The following CDHR5 variants were observed in gnomAD, a reference collection of about 807,000 sequenced individuals.
The protein encoded by CDHR5 is cadherin-related family member 5.
A neutral mutation model predicts 69.5 loss-of-function variants in CDHR5; 82 were observed. The observed-to-expected ratio is 1.18, with a 90% CI of 0.99 to 1.42. The LOEUF (loss-of-function observed/expected upper bound fraction) is 1.42, where lower values mean the gene tolerates loss of function less well. Ranked by LOEUF, CDHR5 falls within the 40% of genes most tolerant of loss-of-function variation. The pLI is 0.00. For missense variants in CDHR5, 1,293 were observed against 1,168.9 expected (o/e 1.11, Z -1.55); for synonymous variants, 601 against 510.2 (o/e 1.18, Z -2.40).
At chr11:617,846 C>G in intron 14 of CDHR5, 76 bp from the exon 15 acceptor site, 1 of 1,483,806 alleles carries the variant, frequency 6.7e-7, no homozygotes, top group South Asian at 1.3e-5. Flanking sequence ...TCATTCCACG[C>G]TGGACACCCC....
In CDHR5 at chr11:617,194, CA is replaced by C; in HGVS notation, c.*156del. The C allele has an allele frequency of 1.6e-6, 1 of 627,338 alleles. No homozygotes were observed. Among genetic ancestry groups the C allele is most frequent in the Non-Finnish European group, 2.9e-6 (1 of 349,902 alleles). The allele number at this position is 627,338 out of a possible 1,614,324, so 38.9% of individuals were successfully genotyped here. A position where few individuals can be genotyped will look rare whatever the true frequency, so the allele number is the denominator to read the frequency against. ...ACCTGGGCTCAAGCGCTAATGACGA[CA>C]GGGGACTGAGTGAATGGGACCCCCA... On this transcript the variant is annotated 3_prime_UTR_variant, in exon 15 of 15. Transcript: ENST00000397542.
Position 621,332 on chromosome 11 carries a change from GTGACC to G in CDHR5, c.618+8_618+12del. 1.2e-6 allele frequency: 2 copies of G among 1,612,502 alleles called. No individual in the cohort carries two copies. The highest frequency in any genetic ancestry group is 1.7e-6 in the Non-Finnish European group (2 of 1,179,352). On this transcript the variant is annotated splice_region_variant and intron_variant, in intron 6 of 14. Transcript: ENST00000397542. The surrounding 1 kb of genome is among the most constrained non-coding windows in gnomAD (Gnocchi z 4.4). ...CAAGTGTGTGGGACTCGGGGCTGGG[GTGACC>G]TGCTCACCCGCACCAGCAGCCAGAA...
rs1368429383 is a variant in CDHR5 at position 617,329 on chromosome 11, G to A, written c.*22C>T. Reference sequence around the variant, plus strand: ...GAGACCTCCAGTGCCCGTGCGGCTGGGGGAGAGGGTGGAGGGGCCACTTAG... The same window carrying A: ...GAGACCTCCAGTGCCCGTGCGGCTGAGGGAGAGGGTGGAGGGGCCACTTAG... On this transcript the variant is annotated 3_prime_UTR_variant, in exon 15 of 15. Coordinates refer to ENST00000397542, the MANE Select transcript of CDHR5 (RefSeq NM_021924.5). 1.9e-6 allele frequency: 3 copies of A among 1,559,236 alleles called. No individual in the cohort carries two copies. The highest frequency in any genetic ancestry group is 2.6e-6 in the Non-Finnish European group (3 of 1,139,716).
In CDHR5 at chr11:624,218, T is replaced by A; in HGVS notation, c.307A>T (p.Thr103Ser). The change falls in exon 3 of 15, where the codon ACA (threonine) becomes TCA (serine). Residue 103 changes from threonine to serine, a missense_variant. Coordinates refer to ENST00000397542, the MANE Select transcript of CDHR5 (RefSeq NM_021924.5). This position sits in a 1 kb window ranked among gnomAD's most constrained non-coding sequence, Gnocchi z 5.3. ...AGAGCGGGGCGGGGACTCACCAATG[T>A]GCCTCCGCTCTGACACAGCAGCTGA... ...EAQLLCQSGG[T>S]LVTQLRVFVS... 1.3e-6 allele frequency: 1 copy of A among 765,776 alleles called. No homozygotes were observed. The highest frequency in any genetic ancestry group is 1.4e-5 in the South Asian group (1 of 72,386). 47.4% of individuals were successfully genotyped at this position (765,776 alleles called of 1,614,324 possible). A position where few individuals can be genotyped will look rare whatever the true frequency, so the allele number is the denominator to read the frequency against.
Position 617,348 on chromosome 11 carries a change from CACTTAGATG to C in CDHR5, c.2532_*2del. On this transcript the variant is annotated stop_lost and 3_prime_UTR_variant, in exon 15 of 15. Transcript: ENST00000397542. ...CGGCTGGGGGAGAGGGTGGAGGGGCCACTTAGATGTAGGAGTCATCACCACCGGGCGCAT... is the reference window on the plus strand; with the variant it reads ...CGGCTGGGGGAGAGGGTGGAGGGGCCTAGGAGTCATCACCACCGGGCGCAT... 1 of 1,588,488 alleles carries C rather than the reference CACTTAGATG, an allele frequency of 6.3e-7. No individual in the cohort carries two copies. Among genetic ancestry groups the C allele is most frequent in the Non-Finnish European group, 8.6e-7 (1 of 1,161,892 alleles).
rs774177515 is a variant in CDHR5 at position 624,713 on chromosome 11, G to A, written c.105C>T (p.Asp35=). 1 of 1,609,986 alleles carries A rather than the reference G, an allele frequency of 6.2e-7. No individual in the cohort carries two copies. Among genetic ancestry groups the A allele is most frequent in the South Asian group, 1.1e-5 (1 of 90,674 alleles). ...TTGTGTTCTCCTCTACTTCAAAGAT[G>A]TCCTTGTTCACAGAGCAGTCTGTAA... is the stretch of plus-strand genomic sequence containing the variant. ...AQAQYCSVNK[D]IFEVEENTNV... is the part of the protein sequence containing the mutation. Residue 35 remains aspartate, a synonymous_variant, in exon 2 of 15, where the codon GAC becomes GAT. Transcript: ENST00000397542. This position sits in a 1 kb window ranked among gnomAD's most constrained non-coding sequence, Gnocchi z 5.3.
Position 619,863 on chromosome 11 carries a change from C to G in CDHR5, c.997G>C (p.Ala333Pro). 6.4e-7 allele frequency: 1 copy of G among 1,550,428 alleles called. No homozygotes were observed. The highest frequency in any genetic ancestry group is 1.9e-5 in the Admixed American group (1 of 52,158). The change falls in exon 10 of 15, where the codon GCC (alanine) becomes CCC (proline). Residue 333 changes from alanine to proline, a missense_variant. Transcript: ENST00000397542. The stretch of plus-strand genomic sequence containing the variant: ...GTGACCTGGGTCACTGAGTAGCGGG[C>G]AAGGTCGGCCTGTTGGCCCTGGAGG... The part of the protein sequence containing the change: ...LLVKGQQADL[A>P]RYSVTQVTVE...
Position 619,666 on chromosome 11 carries a change from G to C in CDHR5, c.1179+15C>G. On this transcript the variant is annotated intron_variant, in intron 10 of 14. Coordinates refer to ENST00000397542, the MANE Select transcript of CDHR5 (RefSeq NM_021924.5). ...GACCCACCCACAGAGGGGAGGCCTT[G>C]GATGCACTCTCTACCGAGAACTCCG... is the stretch of plus-strand genomic sequence containing the variant. The C allele has an allele frequency of 1.1e-5, 18 of 1,612,610 alleles. No individual in the cohort carries two copies. Among genetic ancestry groups the C allele is most frequent in the Non-Finnish European group, 1.4e-5 (17 of 1,179,238 alleles).
chr11:620,846 C>T (rs1857329784), intron 7 of CDHR5, among the ~76,000 whole-genome samples: 1 of 152,166 alleles, frequency 6.6e-6, no homozygotes, highest in Non-Finnish European at 1.5e-5. Context: ...GCCCCTGAGA[C>T]CGCCTGGCTC....
At position 621,427 on chromosome 11, in the gene CDHR5, C is replaced by T. The variant is rs1448025425; in HGVS notation, c.536G>A (p.Ser179Asn). The change falls in exon 6 of 15, where the codon AGT becomes AAT. Residue 179 changes from serine to asparagine, a missense_variant. Coordinates refer to ENST00000397542, the MANE Select transcript of CDHR5 (RefSeq NM_021924.5). This position sits in a 1 kb window ranked among gnomAD's most constrained non-coding sequence, Gnocchi z 4.4. ...CAGCCTCAGGGCGGGACGGTTTACA[C>T]TCACCAGGGAGAAGTAGTCACTGGC... ...AGASDYFSLV[S>N]VNRPALRLDR... The T allele has an allele frequency of 1.2e-6, 2 of 1,612,750 alleles. No individual in the cohort carries two copies. Among genetic ancestry groups the T allele is most frequent in the Admixed American group, 1.7e-5 (1 of 60,002 alleles).
chr11:618,241 C>T (rs1857101488), intron 13 of CDHR5, 130 bp from the exon 14 acceptor site: 1 of 783,288 alleles, frequency 1.3e-6, no homozygotes, highest in Non-Finnish European at 2.0e-6. Flanking sequence ...AAATCTCAGG[C>T]TCTGCTGACC....
chr11:621,152 G>C lies in CDHR5; in HGVS notation c.717C>G (p.Pro239=), dbSNP rs1440920856. ...AGACGTAGCCATCTGAGAAGGTGCAGGGCAGGAACCACGGGGGCCGCAGGT... is the reference window on the plus strand; with the variant it reads ...AGACGTAGCCATCTGAGAAGGTGCACGGCAGGAACCACGGGGGCCGCAGGT... ...PADLRPPWFL[P]CTFSDGYVCI... is the part of the protein sequence containing the mutation. Residue 239 remains proline (P), a synonymous_variant, in exon 7 of 15, where the codon CCC becomes CCG. Coordinates refer to ENST00000397542, the MANE Select transcript of CDHR5 (RefSeq NM_021924.5). The surrounding 1 kb of genome is among the most constrained non-coding windows in gnomAD (Gnocchi z 4.4). The C allele has an allele frequency of 6.2e-7, 1 of 1,603,662 alleles. No homozygotes were observed. The highest frequency in any genetic ancestry group is 8.5e-7 in the Non-Finnish European group (1 of 1,174,516).
At position 621,251 on chromosome 11, in the gene CDHR5, C is replaced by T. The variant is rs1212992158; in HGVS notation, c.619-1G>A. On this transcript the variant is annotated splice_acceptor_variant, in intron 6 of 14. Transcript: ENST00000397542. LOFTEE classifies it high-confidence loss of function. The surrounding 1 kb of genome is among the most constrained non-coding windows in gnomAD (Gnocchi z 4.4). ...GTTCCACATTCTCCCCCGGAGTGTC[C>T]TGCAACAGACGGCTGTGCTGGATCA... The T allele has an allele frequency of 6.2e-7, 1 of 1,601,446 alleles. No homozygotes were observed. The highest frequency in any genetic ancestry group is 8.5e-7 in the Non-Finnish European group (1 of 1,172,212).
At position 623,003 on chromosome 11, in the gene CDHR5, T is replaced by C. The variant is rs140641186; in HGVS notation, c.313-1099A>G. The stretch of plus-strand genomic sequence containing the variant: ...TCTCCCATCTTTTTTCCTGGAGATT[T>C]ATTTGTGAAGAAACTGGATTGTCAG... On this transcript the variant is annotated intron_variant, in intron 3 of 14. Coordinates refer to ENST00000397542, the MANE Select transcript of CDHR5 (RefSeq NM_021924.5). 3.2e-3 allele frequency among the ~76,000 whole-genome samples: 492 copies of C among 152,094 alleles called. 2 individuals are homozygous for C. The highest frequency in any genetic ancestry group is 0.011 in the African/African-American group (458 of 41,498).
chr11:619,281 G>A (rs779663875), intron 12 of CDHR5, 25 bp downstream of exon 12: 7 of 1,556,596 alleles, frequency 4.5e-6, no homozygotes, highest in African/African-American at 4.1e-5. Flanking sequence ...GAACCCTGGG[G>A]GCTCACCTGT....
intron 3 of CDHR5, among the ~76,000 whole-genome samples, chr11:622,285 C>T (rs1857459014): frequency 1.3e-5 from 2 of 152,210 alleles, no homozygotes; most frequent in South Asian, 2.1e-4. Context: ...CCTGTCCTGG[C>T]AGGACTTATA....
At position 619,090 on chromosome 11, in the gene CDHR5, C is replaced by G. The variant is rs1466004592; in HGVS notation, c.1469G>C (p.Gly490Ala). 1 of 1,610,796 alleles carries G rather than the reference C, an allele frequency of 6.2e-7. No individual in the cohort carries two copies. The highest frequency in any genetic ancestry group is 8.5e-7 in the Non-Finnish European group (1 of 1,179,146). The change falls in exon 13 of 15, where the codon GGA becomes GCA. Residue 490 changes from glycine (G) to alanine (A), a missense_variant. Physicochemically the swap from Gly to Ala is moderately conservative, Grantham distance 60 (BLOSUM62 0). Transcript: ENST00000397542. ...TCCCCCAGAGCTGGTCGTGGAGGGT[C>G]CCTGGGAGGGCTCAGGGGGTCTGGG... Reference protein sequence around the residue: ...EVPRPPEPSQGPSTTSSGGGT... With the variant: ...EVPRPPEPSQAPSTTSSGGGT...
intron 3 of CDHR5, among the ~76,000 whole-genome samples, chr11:622,792 G>T (rs995166985): frequency 1.5e-4 from 23 of 152,028 alleles, no homozygotes; most frequent in African/African-American, 5.6e-4. Flanking sequence ...CTTCTTTTTA[G>T]AACATAACCA....
chr11:622,401 G>A (rs1436337126), intron 3 of CDHR5, among the ~76,000 whole-genome samples: 1 of 151,444 alleles, frequency 6.6e-6, no homozygotes, highest in Non-Finnish European at 1.5e-5. Flanking sequence ...GGTGAGGAAA[G>A]ACAATCCATT....
Sources: gnomAD v4.1 joint callset for allele counts (sites outside exome capture counted in the v4.1 genomes callset) on GRCh38, gnomAD v4.1.1 for gene constraint, Gnocchi (gnomAD v3.1) non-coding constraint, MANE v1.5 for transcripts, NCBI Gene and HGNC (gene_info 2026-07-23, HGNC 2026-07-21) for gene names.